Variants in PCNT observed in about 807,000 individuals in gnomAD.
PCNT encodes kendrin.
A neutral mutation model predicts 380.4 loss-of-function variants in PCNT; 319 were observed. That is an observed-to-expected ratio of 0.84 (90% confidence interval 0.77 to 0.92). The LOEUF is 0.92. Ranked by LOEUF, PCNT falls within the 40% of genes least tolerant of loss-of-function variation. PCNT has a pLI of 0.00. For missense variants in PCNT, 4,400 were observed against 4,255.3 expected, an observed-to-expected ratio of 1.03 and a Z score of -0.95; for synonymous variants, 1,845 against 1,735.2, an observed-to-expected ratio of 1.06 and a Z score of -1.57.
intron 8 of PCNT, 123 bp downstream of exon 8, chr21:46,349,943 G>T (rs769909458): frequency 1.3e-5 from 13 of 968,782 alleles, no homozygotes; most frequent in African/African-American, 3.2e-5. Context: ...AAAGAGACTG[G>T]CTGGGAACAG....
Position 46,416,748 on chromosome 21 carries a change from T to G in PCNT, c.6830T>G (p.Leu2277Arg), listed in dbSNP as rs1298579659. 6.2e-7 allele frequency: 1 copy of G among 1,601,346 alleles called. No homozygotes were observed. The highest frequency in any genetic ancestry group is 1.7e-5 in the Admixed American group (1 of 59,442). ...CCACAGACCCAGGGGCCGGGGCTGC[T>G]TTGTTCCCCAGGCGTGTCTGCAGCA... Reference protein sequence around the residue: ...SLPQTQGPGLLCSPGVSAAAL... With the variant: ...SLPQTQGPGLRCSPGVSAAAL... Residue 2277 changes from leucine (L) to arginine (R), a missense_variant, in exon 30 of 47, where the codon CTT (leucine) becomes CGT (arginine). By Grantham distance (102) the Leu-to-Arg change is moderately radical. Transcript: ENST00000359568.
chr21:46,418,516 G>A (rs1028639857), intron 31 of PCNT, among the ~76,000 whole-genome samples: 6 of 152,158 alleles, frequency 3.9e-5, no homozygotes, highest in Admixed American at 1.3e-4. Context: ...TTGCTGGCCC[G>A]GGCCACGCTC....
chr21:46,349,274 A>G (rs1300729191), intron 7 of PCNT, 88 bp downstream of exon 7: 9 of 1,083,754 alleles, frequency 8.3e-6, no homozygotes, highest in South Asian at 1.3e-5. Context: ...ACCATGCGTC[A>G]TTGCGCACGT....
chr21:46,430,333 T>A, intron 36 of PCNT, 101 bp downstream of exon 36: 1 of 1,398,216 alleles, frequency 7.2e-7, no homozygotes, highest in Non-Finnish European at 9.9e-7. Context: ...GGGCCGCAGT[T>A]GGGCAGCCCC....
At chr21:46,362,102 C>T (rs541981356) in intron 13 of PCNT, among the ~76,000 whole-genome samples, 4 of 152,196 alleles carry the variant, frequency 2.6e-5, no homozygotes, top group Non-Finnish European at 5.9e-5. Flanking sequence ...GCATGCTCCC[C>T]TGCGTCTGTG....
intron 38 of PCNT, 123 bp from the exon 39 acceptor site, chr21:46,435,781 A>T (rs1404920285): frequency 9.6e-7 from 1 of 1,045,464 alleles, no homozygotes; most frequent in Admixed American, 1.8e-5. Context: ...TGACCTCATG[A>T]TCTGCCCGCC....
At chr21:46,336,883 T>TC (rs36164168) in intron 3 of PCNT, among the ~76,000 whole-genome samples, 56,854 of 151,586 alleles carry the variant, frequency 0.38, 11,177 homozygotes, top group Admixed American at 0.46. Context: ...CATTCTGCCC[T>TC]CCCCCCCAGG....
Position 46,385,941 on chromosome 21 carries a change from T to C in PCNT, c.3422T>C (p.Leu1141Pro). Residue 1141 changes from leucine to proline, a missense_variant, in exon 17 of 47, where the codon CTC becomes CCC. Coordinates refer to ENST00000359568, the MANE Select transcript of PCNT (RefSeq NM_006031.6). The part of the protein sequence containing the change: ...ERENREGANL[L>P]SMLKADVNLS... ...GAGAACCGGGAAGGCGCAAACCTCC[T>C]CTCCATGCTCAAGGCCGACGTCAAC... 1 of 1,614,064 alleles carries C rather than the reference T, an allele frequency of 6.2e-7. No individual in the cohort carries two copies. The highest frequency in any genetic ancestry group is 8.5e-7 in the Non-Finnish European group (1 of 1,180,006).
intron 15 of PCNT, among the ~76,000 whole-genome samples, chr21:46,371,388 T>C (rs1227249740): frequency 6.6e-6 from 1 of 152,036 alleles, no homozygotes; most frequent in Non-Finnish European, 1.5e-5. Flanking sequence ...TTTTATTGTT[T>C]TGTCTCCCAG....
chr21:46,402,827 G>A (rs916393659), intron 27 of PCNT, among the ~76,000 whole-genome samples: 1 of 152,176 alleles, frequency 6.6e-6, no homozygotes, highest in Admixed American at 6.5e-5. Context: ...TTCTCAAGGA[G>A]GTGACTTGAG....
At chr21:46,369,702 G>T (rs769800408) in intron 15 of PCNT, among the ~76,000 whole-genome samples, 49 of 152,246 alleles carry the variant, frequency 3.2e-4, no homozygotes, top group Admixed American at 9.2e-4. Context: ...GGAAGCATGT[G>T]GAGCGTGTGC....
In PCNT at chr21:46,326,604, T is replaced by C. The variant is rs766731317; in HGVS notation, c.267+15T>C. On this transcript the variant is annotated intron_variant, in intron 2 of 46. Coordinates refer to ENST00000359568, the MANE Select transcript of PCNT (RefSeq NM_006031.6). Reference sequence around the variant, plus strand: ...TTGCAGCTCAGGTAGATTTGCTCAATGTTGTATTTGAACATTTCGCTTATC... The same window carrying C: ...TTGCAGCTCAGGTAGATTTGCTCAACGTTGTATTTGAACATTTCGCTTATC... The C allele has an allele frequency of 1.2e-6, 2 of 1,608,188 alleles. No homozygotes were observed. Among genetic ancestry groups the C allele is most frequent in the East Asian group, 2.2e-5 (1 of 44,856 alleles).
intron 28 of PCNT, 99 bp downstream of exon 28, chr21:46,412,166 C>T: frequency 7.2e-7 from 1 of 1,379,384 alleles, no homozygotes; most frequent in Non-Finnish European, 9.9e-7. Context: ...CTGGGGGCTG[C>T]AGTTGTCATG....
At chr21:46,333,793 G>A (rs1003250366) in intron 2 of PCNT, among the ~76,000 whole-genome samples, 30 of 150,418 alleles carry the variant, frequency 2.0e-4, no homozygotes, top group African/African-American at 7.1e-4. Context: ...AGCCGAGTTC[G>A]TGCAACTGCA....
chr21:46,379,845 G>T (rs555800436), intron 15 of PCNT, among the ~76,000 whole-genome samples: 2 of 152,122 alleles, frequency 1.3e-5, no homozygotes, highest in African/African-American at 4.8e-5. Flanking sequence ...GGGCTCTGGC[G>T]GGCGGTGGAC....
At chr21:46,410,141 C>T (rs939259399) in intron 27 of PCNT, among the ~76,000 whole-genome samples, 14 of 152,174 alleles carry the variant, frequency 9.2e-5, no homozygotes, top group Non-Finnish European at 1.5e-4. Context: ...GTAAGGCACG[C>T]GACGGGGAGC....
intron 8 of PCNT, 86 bp downstream of exon 8, chr21:46,349,906 A>G: frequency 7.8e-7 from 1 of 1,287,478 alleles, no homozygotes. Context: ...GTATTGTGTT[A>G]TTTGCTAAAA....
chr21:46,331,039 TGA>T (rs769311757), intron 2 of PCNT, among the ~76,000 whole-genome samples: 56 of 139,954 alleles, frequency 4.0e-4, no homozygotes, highest in Non-Finnish European at 6.1e-4. Flanking sequence ...TGTGTGTGTG[TGA>T]GAGTGTGTGT....
chr21:46,388,169 C>T lies in PCNT; in HGVS notation c.3465-573C>T, dbSNP rs1394479451. ...AGCTTGCAGTGAGCCAAGATCGTGC[C>T]ACTGCACTCCAGCCTGGGCGACAGA... On this transcript the variant is annotated intron_variant, in intron 17 of 46. Transcript: ENST00000359568. This position sits in a 1 kb window ranked among gnomAD's most constrained non-coding sequence, Gnocchi z 4.2. Among the ~76,000 whole-genome samples the T allele has an allele frequency of 5.3e-5, 8 of 151,580 alleles. No individual in the cohort carries two copies. Among genetic ancestry groups the T allele is most frequent in the Admixed American group, 4.6e-4 (7 of 15,230 alleles).
Sources: allele counts gnomAD v4.1 joint callset (sites outside exome capture counted in the v4.1 genomes callset), GRCh38; gene constraint gnomAD v4.1.1; non-coding constraint Gnocchi (gnomAD v3.1); transcripts MANE v1.5; gene names NCBI Gene and HGNC (gene_info 2026-07-23, HGNC 2026-07-21).